The following VPS13C variants were observed in gnomAD, a reference collection of about 807,000 sequenced individuals.
VPS13C encodes vacuolar protein sorting 13 homolog C.
Under a neutral mutation model 456.8 loss-of-function variants are expected in VPS13C, and 358 were observed. The observed-to-expected ratio is 0.78, with a 90% CI of 0.72 to 0.86. The LOEUF is 0.86. Among genes scored for constraint, VPS13C ranks in the 40% least tolerant of loss-of-function variants. The probability of loss-of-function intolerance (pLI) is 0.00; values close to 1 mark genes in which losing one functional copy is unlikely to be tolerated. For synonymous variants in VPS13C, 1,578 were observed against 1,486.7 expected (o/e 1.06, Z -1.41); for missense variants, 4,818 against 4,385.4 (o/e 1.10, Z -2.79).
chr15:61,915,026 C>T (rs1005637955), intron 61 of VPS13C, among the ~76,000 whole-genome samples: 1 of 151,218 alleles, frequency 6.6e-6, no homozygotes, highest in Non-Finnish European at 1.5e-5. Flanking sequence ...ATATATCAGG[C>T]TTGAGCAGAA....
At chr15:61,936,482 T>A in intron 48 of VPS13C, 115 bp downstream of exon 48, 1 of 1,047,154 alleles carries the variant, frequency 9.5e-7, no homozygotes, top group Non-Finnish European at 1.3e-6. Flanking sequence ...CAGTAAGTAG[T>A]ACAATACTGA....
At chr15:62,050,496 A>C (rs1013049774) in intron 1 of VPS13C, among the ~76,000 whole-genome samples, 2 of 152,240 alleles carry the variant, frequency 1.3e-5, no homozygotes, top group Non-Finnish European at 2.9e-5. Flanking sequence ...AGATATTTTA[A>C]GAAATATACT....
chr15:61,951,117 T>C (rs904846262), intron 39 of VPS13C, 93 bp from the exon 40 acceptor site: 1 of 763,944 alleles, frequency 1.3e-6, no homozygotes, highest in African/African-American at 1.8e-5. Context: ...TATACATTTG[T>C]CAAAACTCAG....
chr15:62,002,592 T>C lies in VPS13C; in HGVS notation c.1291-1966A>G, dbSNP rs1040543649. Among the ~76,000 whole-genome samples, 271 of 152,292 alleles carry C rather than the reference T, an allele frequency of 1.8e-3. 7 individuals carry two copies. In the South Asian group the frequency reaches 0.037, roughly 21 times the overall value. On this transcript the variant is annotated intron_variant, in intron 15 of 84. Coordinates refer to ENST00000644861, the MANE Select transcript of VPS13C (RefSeq NM_020821.3). ...TGGTGTTTTAGACATGAAGTCCTTG[T>C]CCATGCCTATGTCCTGAATGGTAAT...
chr15:61,926,922 T>C (rs111448115), intron 52 of VPS13C, among the ~76,000 whole-genome samples, 169 bp downstream of exon 52: 12 of 152,342 alleles, frequency 7.9e-5, no homozygotes, highest in African/African-American at 2.4e-4. Flanking sequence ...CTAGCAGCCA[T>C]GGCTAAGTCA....
At chr15:62,057,955 G>A (rs900403351) in intron 1 of VPS13C, among the ~76,000 whole-genome samples, 1 of 152,090 alleles carries the variant, frequency 6.6e-6, no homozygotes, top group Admixed American at 6.5e-5. Context: ...TGGAACCTCT[G>A]ACTATATCCA....
At chr15:61,992,460 A>T (rs1482140603) in intron 16 of VPS13C, among the ~76,000 whole-genome samples, 1 of 152,198 alleles carries the variant, frequency 6.6e-6, no homozygotes, top group Non-Finnish European at 1.5e-5. Flanking sequence ...AAATTTCAAT[A>T]ATTTTTCCAC....
At chr15:62,058,705 T>C (rs2048884995) in intron 1 of VPS13C, among the ~76,000 whole-genome samples, 1 of 152,160 alleles carries the variant, frequency 6.6e-6, no homozygotes, top group Non-Finnish European at 1.5e-5. Flanking sequence ...CAAGGGACTA[T>C]TGTATTGTTG....
chr15:61,922,287 A>G, intron 54 of VPS13C, 110 bp downstream of exon 54: 2 of 1,335,438 alleles, frequency 1.5e-6, no homozygotes, highest in Non-Finnish European at 2.0e-6. Context: ...CACACTATCT[A>G]TTCACATATG....
intron 42 of VPS13C, among the ~76,000 whole-genome samples, chr15:61,948,932 T>C (rs1303320894): frequency 1.3e-5 from 2 of 152,228 alleles, no homozygotes; most frequent in Non-Finnish European, 2.9e-5. Context: ...ACATAAGTCA[T>C]ATGCCTGAGG....
At chr15:61,936,556 A>G in intron 48 of VPS13C, 41 bp downstream of exon 48, 1 of 1,492,934 alleles carries the variant, frequency 6.7e-7, no homozygotes, top group Non-Finnish European at 8.9e-7. Context: ...TGACATTAAC[A>G]CCAATTTTTT....
intron 15 of VPS13C, among the ~76,000 whole-genome samples, chr15:62,004,347 C>G (rs144373212): frequency 0.078 from 11,843 of 152,022 alleles, 973 homozygotes; most frequent in African/African-American, 0.21. Context: ...GTTTGTATTT[C>G]TGTGGGATCG....
chr15:61,928,286 CA>C (rs2043935575), intron 51 of VPS13C, among the ~76,000 whole-genome samples: 1 of 151,782 alleles, frequency 6.6e-6, no homozygotes, highest in East Asian at 1.9e-4. Flanking sequence ...TATTATATTG[CA>C]GGGGCAAGAA....
intron 73 of VPS13C, chr15:61,879,487 ACCACAGGTAAACATTAAT>A (rs2140899967): frequency 6.6e-6 from 1 of 152,176 alleles, no homozygotes; most frequent in East Asian, 1.9e-4. Flanking sequence ...AGGAAAGGTA[ACCACAGGTAAACATTAAT>A]CCAGCCCTTC....
intron 34 of VPS13C, among the ~76,000 whole-genome samples, 185 bp from the exon 35 acceptor site, chr15:61,962,078 C>A (rs2045226865): frequency 6.6e-6 from 1 of 151,982 alleles, no homozygotes; most frequent in Non-Finnish European, 1.5e-5. Flanking sequence ...GCTGCCTGAA[C>A]TGAGCTAATG....
At chr15:61,922,349 A>G (rs746205472) in intron 54 of VPS13C, 48 bp downstream of exon 54, 2 of 1,554,162 alleles carry the variant, frequency 1.3e-6, no homozygotes, top group South Asian at 2.5e-5. Context: ...TAATTCCAAA[A>G]TCGCACTTTC....
Position 61,878,731 on chromosome 15 carries a change from ACAAACT to A in VPS13C, c.10012_10017del (p.Ser3340_Leu3341del). 6.2e-7 allele frequency: 1 copy of A among 1,605,750 alleles called. No homozygotes were observed. Among genetic ancestry groups the A allele is most frequent in the Non-Finnish European group, 8.5e-7 (1 of 1,177,122 alleles). ...GATTCTTCACCTCCGGAACCCAAAG[ACAAACT>A]CAAATGCAACTAAAAGAAAAATAAT... is the stretch of plus-strand genomic sequence containing the variant. On this transcript the variant is annotated inframe_deletion, in exon 74 of 85. Coordinates refer to ENST00000644861, the MANE Select transcript of VPS13C (RefSeq NM_020821.3).
At chr15:61,926,041 G>A (rs570711823) in intron 52 of VPS13C, among the ~76,000 whole-genome samples, 24 of 152,166 alleles carry the variant, frequency 1.6e-4, no homozygotes, top group Non-Finnish European at 1.6e-4. Context: ...TTAAAGAAAC[G>A]AATAAATAGG....
At chr15:61,856,642 C>T in intron 82 of VPS13C, 5 of 310,006 alleles carry the variant, frequency 1.6e-5, no homozygotes, top group Non-Finnish European at 2.3e-5. Flanking sequence ...TTCTGTCAAT[C>T]TTGCAGAATT....
Sources: allele counts gnomAD v4.1 joint callset (sites outside exome capture counted in the v4.1 genomes callset), GRCh38; gene constraint gnomAD v4.1.1; transcripts MANE v1.5; gene names NCBI Gene and HGNC (gene_info 2026-07-23, HGNC 2026-07-21).